The following GUCY2D variants were observed in gnomAD, a reference collection of about 807,000 sequenced individuals.
The protein encoded by GUCY2D is guanylate cyclase 2D, retinal, also known as retinal guanylyl cyclase 1.
In GUCY2D, 70 loss-of-function variants were observed where a neutral mutation model predicts 101.3. The ratio of observed to expected loss-of-function variants is 0.69; its 90% confidence interval spans 0.57 to 0.84. GUCY2D has a LOEUF of 0.84. Ranked by LOEUF, GUCY2D falls within the 40% of genes least tolerant of loss-of-function variation. The probability of loss-of-function intolerance (pLI) is 0.00; values close to 1 mark genes in which losing one functional copy is unlikely to be tolerated. For synonymous variants in GUCY2D, 688 were observed against 670.7 expected (o/e 1.03, Z -0.40); for missense variants, 1,460 against 1,542.5 (o/e 0.95, Z 0.90).
chr17:8,008,383 A>G lies in GUCY2D; in HGVS notation c.1668+351A>G, dbSNP rs571108752. ...CTGAGACCATCTCCGGCCTGGTCAG[A>G]GCCTCTGGCCCTGCCCCTCAGCATT... On this transcript the variant is annotated intron_variant, in intron 7 of 19. Transcript: ENST00000254854. Among the ~76,000 whole-genome samples, 7 of 152,334 alleles carry G rather than the reference A, an allele frequency of 4.6e-5. No homozygotes were observed. The South Asian group carries it at 1.5e-3, about 32-fold the overall frequency.
At position 8,016,307 on chromosome 17, in the gene GUCY2D, C is replaced by G. The variant is rs1033324120; in HGVS notation, c.3224+17C>G. 1 of 1,539,606 alleles carries G rather than the reference C, an allele frequency of 6.5e-7. No individual in the cohort carries two copies. Among genetic ancestry groups the G allele is most frequent in the Non-Finnish European group, 8.8e-7 (1 of 1,133,940 alleles). On this transcript the variant is annotated intron_variant, in intron 18 of 19. Transcript: ENST00000254854. ...GCAACCGGGGTGAGGGGCCGGCCTC[C>G]GCGGCAGGGCGAGGGACGAGGGACC... is the stretch of plus-strand genomic sequence containing the variant.
At chr17:8,016,610 A>G in intron 19 of GUCY2D, 56 bp downstream of exon 19, 3 of 891,970 alleles carry the variant, frequency 3.4e-6, no homozygotes, top group Non-Finnish European at 5.3e-6. Context: ...TGCCTGCAGA[A>G]CGTCCCACCC....
chr17:8,009,035 C>G (rs562794616), intron 7 of GUCY2D, among the ~76,000 whole-genome samples: 52 of 152,346 alleles, frequency 3.4e-4, no homozygotes, highest in Non-Finnish European at 6.3e-4. Flanking sequence ...CCCTGTGTGA[C>G]TGCACAGGTC....
Position 8,014,956 on chromosome 17 carries a change from A to G in GUCY2D, c.2674A>G (p.Ile892Val), listed in dbSNP as rs1165720101. The stretch of plus-strand genomic sequence containing the variant: ...TAGTGACATTGTGGGCTTCACCACC[A>G]TCTCTGCCATGAGTGAGCCCATTGA... ...YFSDIVGFTT[I>V]SAMSEPIEVV... Residue 892 changes from isoleucine (I) to valine (V), a missense_variant, in exon 14 of 20, where the codon ATC becomes GTC. Around this residue, in one of 3 missense-constraint regions of GUCY2D, gnomAD observed 49 missense variants for 85.0 expected, o/e 0.58. Transcript: ENST00000254854. The surrounding 1 kb of genome is among the most constrained non-coding windows in gnomAD (Gnocchi z 4.0). 3 of 1,613,960 alleles carry G rather than the reference A, an allele frequency of 1.9e-6. No homozygotes were observed. The highest frequency in any genetic ancestry group is 1.1e-5 in the South Asian group (1 of 91,086).
intron 8 of GUCY2D, 88 bp from the exon 9 acceptor site, chr17:8,012,056 T>C: frequency 1.1e-6 from 1 of 900,996 alleles, no homozygotes; most frequent in Non-Finnish European, 1.9e-6. Flanking sequence ...ATCTTCTGGG[T>C]CTGGATACTC....
chr17:8,019,324 T>C (rs1260400656), intron 19 of GUCY2D, among the ~76,000 whole-genome samples: 1 of 151,764 alleles, frequency 6.6e-6, no homozygotes, highest in Non-Finnish European at 1.5e-5. Context: ...CAAGGAAGAG[T>C]CCAGGATTAG....
Position 8,002,671 on chromosome 17 carries a change from A to C in GUCY2D, c.-73A>C. The C allele has an allele frequency of 9.3e-6, 2 of 215,094 alleles. No homozygotes were observed. The highest frequency in any genetic ancestry group is 9.1e-6 in the Non-Finnish European group (1 of 109,678). The allele number at this position is 215,094 out of a possible 1,614,324, so 13.3% of individuals were successfully genotyped here. On this transcript the variant is annotated 5_prime_UTR_variant, in exon 1 of 20. Coordinates refer to ENST00000254854, the MANE Select transcript of GUCY2D (RefSeq NM_000180.4). This position sits in a 1 kb window ranked among gnomAD's most constrained non-coding sequence, Gnocchi z 4.9. ...CAAGGAAGACCTGTGGGCGGGCGTC[A>C]AAAGGGGGACCGGCCCTGTGACCCC... is the stretch of plus-strand genomic sequence containing the variant.
Position 8,002,628 on chromosome 17 carries a change from C to T in GUCY2D, c.-116C>T, listed in dbSNP as rs1182885081. 9 of 196,600 alleles carry T rather than the reference C, an allele frequency of 4.6e-5. No homozygotes were observed. The highest frequency in any genetic ancestry group is 1.9e-4 in the Admixed American group (3 of 16,088). 12.2% of individuals were successfully genotyped at this position (196,600 alleles called of 1,614,324 possible). Reference sequence around the variant, plus strand: ...CTCTGGCCGGCTGTACCCACGCCCCCGCCCTGGCCTGGGCTGGCAAGGAAG... The same window carrying T: ...CTCTGGCCGGCTGTACCCACGCCCCTGCCCTGGCCTGGGCTGGCAAGGAAG... On this transcript the variant is annotated 5_prime_UTR_variant, in exon 1 of 20. Coordinates refer to ENST00000254854, the MANE Select transcript of GUCY2D (RefSeq NM_000180.4). This position sits in a 1 kb window ranked among gnomAD's most constrained non-coding sequence, Gnocchi z 4.9.
intron 3 of GUCY2D, among the ~76,000 whole-genome samples, chr17:8,005,790 G>A (rs1374791259): frequency 6.6e-6 from 1 of 152,254 alleles, no homozygotes; most frequent in African/African-American, 2.4e-5. Context: ...GCTCTGCACA[G>A]TGCCTGGCTC....
chr17:8,014,692 T>A lies in GUCY2D; in HGVS notation c.2504T>A (p.Ile835Asn). 6.2e-7 allele frequency: 1 copy of A among 1,612,270 alleles called. No homozygotes were observed. The highest frequency in any genetic ancestry group is 8.5e-7 in the Non-Finnish European group (1 of 1,179,150). ...EQYSSNLEDL[I>N]RERTEELELE... is the part of the protein sequence containing the mutation. ...TACTCTAGTAACCTGGAGGATCTGA[T>A]CCGGGAGCGCACGGAGGAGCTGGAG... is the stretch of plus-strand genomic sequence containing the variant. The change falls in exon 13 of 20, where the codon ATC becomes AAC. Residue 835 changes from isoleucine (I) to asparagine (N), a missense_variant. Physicochemically the swap from Ile to Asn is moderately radical, Grantham distance 149. Around this residue, in one of 3 missense-constraint regions of GUCY2D, gnomAD observed 1,196 missense variants for 1,229.6 expected, o/e 0.97. Coordinates refer to ENST00000254854, the MANE Select transcript of GUCY2D (RefSeq NM_000180.4). This position sits in a 1 kb window ranked among gnomAD's most constrained non-coding sequence, Gnocchi z 4.0.
At position 8,003,211 on chromosome 17, in the gene GUCY2D, C is replaced by T. The variant is rs201414567; in HGVS notation, c.164C>T (p.Thr55Met). The T allele has an allele frequency of 2.5e-4, 385 of 1,521,734 alleles. 3 individuals are homozygous for T. The East Asian group carries it at 8.9e-3, about 35-fold the overall frequency. 94.3% of individuals were successfully genotyped at this position (1,521,734 alleles called of 1,614,324 possible). ...CCCCCCGCCCTCTCCGCCGTGTTCA[C>T]GGTGGGGGTCCTGGGCCCCTGGGCT... ...LQPPALSAVFTVGVLGPWACD... is the reference protein window; with the variant it reads ...LQPPALSAVFMVGVLGPWACD... The change falls in exon 2 of 20, where the codon ACG becomes ATG. Residue 55 changes from threonine to methionine, a missense_variant. Coordinates refer to ENST00000254854, the MANE Select transcript of GUCY2D (RefSeq NM_000180.4).
At chr17:8,005,950 A>G (rs923993049) in intron 3 of GUCY2D, among the ~76,000 whole-genome samples, 3 of 152,102 alleles carry the variant, frequency 2.0e-5, no homozygotes, top group African/African-American at 7.2e-5. Flanking sequence ...CAACCAAAAG[A>G]TAGGTGAGAA....
At chr17:8,008,134 A>G in intron 7 of GUCY2D, 102 bp downstream of exon 7, 2 of 762,614 alleles carry the variant, frequency 2.6e-6, no homozygotes, top group Non-Finnish European at 4.6e-6. Context: ...GTCATGTCAA[A>G]TCCTGCAGGC....
chr17:8,003,775 T>C lies in GUCY2D; in HGVS notation c.721+7T>C. Reference sequence around the variant, plus strand: ...GACGGGCCCAGGGTCACAGGTAGGCTCCCTTGCAGGGTGCGAGGAGGTCGG... The same window carrying C: ...GACGGGCCCAGGGTCACAGGTAGGCCCCCTTGCAGGGTGCGAGGAGGTCGG... On this transcript the variant is annotated splice_region_variant and intron_variant, in intron 2 of 19. Transcript: ENST00000254854. 6.2e-7 allele frequency: 1 copy of C among 1,600,010 alleles called. No homozygotes were observed. The highest frequency in any genetic ancestry group is 2.2e-5 in the East Asian group (1 of 44,832).
chr17:8,007,336 G>A (rs1975764853), intron 5 of GUCY2D, 90 bp from the exon 6 acceptor site: 4 of 1,001,172 alleles, frequency 4.0e-6, no homozygotes, highest in Non-Finnish European at 6.4e-6. Context: ...CCCCTCCCCT[G>A]AGCCAACGTT....
rs1064797217 is a variant in GUCY2D at position 8,013,111 on chromosome 17, T to C, written c.2122T>C (p.Trp708Arg). 1 of 1,612,720 alleles carries C rather than the reference T, an allele frequency of 6.2e-7. No individual in the cohort carries two copies. Among genetic ancestry groups the C allele is most frequent in the Non-Finnish European group, 8.5e-7 (1 of 1,179,844 alleles). ...CCCTTCCCCATCCCCAGACCAGCTGTGGACAGCCCCGGAGCTGCTTAGGGA... is the reference window on the plus strand; with the variant it reads ...CCCTTCCCCATCCCCAGACCAGCTGCGGACAGCCCCGGAGCTGCTTAGGGA... ...PEPPRAEDQL[W>R]TAPELLRDPA... is the part of the protein sequence containing the mutation. The change falls in exon 11 of 20, where the codon TGG becomes CGG. Residue 708 changes from tryptophan (W) to arginine (R), a missense_variant. Around this residue, in one of 3 missense-constraint regions of GUCY2D, gnomAD observed 1,196 missense variants for 1,229.6 expected, o/e 0.97. Coordinates refer to ENST00000254854, the MANE Select transcript of GUCY2D (RefSeq NM_000180.4). The surrounding 1 kb of genome is among the most constrained non-coding windows in gnomAD (Gnocchi z 5.0).
At position 8,014,801 on chromosome 17, in the gene GUCY2D, G is replaced by T. The variant is rs12103471; in HGVS notation, c.2576+37G>T. 0.1 allele frequency: 160,845 copies of T among 1,600,266 alleles called. 9,476 individuals are homozygous for T. Among genetic ancestry groups the T allele is most frequent in the African/African-American group, 0.21 (15,832 of 74,088 alleles). ...TGGGAAGGGGTGGGCTGGGAGGGCAGCTGGAGCCCAGCCAGGTAGAGTGGC... is the reference window on the plus strand; with the variant it reads ...TGGGAAGGGGTGGGCTGGGAGGGCATCTGGAGCCCAGCCAGGTAGAGTGGC... On this transcript the variant is annotated intron_variant, in intron 13 of 19. Coordinates refer to ENST00000254854, the MANE Select transcript of GUCY2D (RefSeq NM_000180.4). The surrounding 1 kb of genome is among the most constrained non-coding windows in gnomAD (Gnocchi z 4.0).
chr17:8,015,907 G>C lies in GUCY2D; in HGVS notation c.3044-20G>C. The C allele has an allele frequency of 6.3e-7, 1 of 1,599,206 alleles. No individual in the cohort carries two copies. The highest frequency in any genetic ancestry group is 8.5e-7 in the Non-Finnish European group (1 of 1,172,038). On this transcript the variant is annotated intron_variant, in intron 16 of 19. Transcript: ENST00000254854. ...CACGGGAGGTGAGTCCCGAGCTCAC[G>C]GCGTCCCCCACCGCCACAGCTTACC...
rs753620111 is a variant in GUCY2D at position 8,007,990 on chromosome 17, C to T, written c.1626C>T (p.Gly542=). The T allele has an allele frequency of 2.5e-6, 4 of 1,613,402 alleles. No individual in the cohort carries two copies. The African/African-American group carries it at 5.3e-5, about 22-fold the overall frequency. Residue 542 remains glycine, a synonymous_variant, in exon 7 of 20, where the codon GGC becomes GGT. Coordinates refer to ENST00000254854, the MANE Select transcript of GUCY2D (RefSeq NM_000180.4). ...GARSMSDIRS[G]PSQHLDSPNI... ...GCAGCATGTCAGACATTCGCAGCGGCCCCAGCCAACACTTGGACAGCCCCA... is the reference window on the plus strand; with the variant it reads ...GCAGCATGTCAGACATTCGCAGCGGTCCCAGCCAACACTTGGACAGCCCCA...
Sources: allele counts gnomAD v4.1 joint callset (sites outside exome capture counted in the v4.1 genomes callset), GRCh38; gene constraint gnomAD v4.1.1; regional missense constraint gnomAD v4.1.1; non-coding constraint Gnocchi (gnomAD v3.1); transcripts MANE v1.5; gene names NCBI Gene and HGNC (gene_info 2026-07-23, HGNC 2026-07-21).